ANKDD1B: variants seen among roughly 807,000 people sequenced by gnomAD.
The protein encoded by ANKDD1B is ankyrin repeat and death domain containing 1B.
A neutral mutation model predicts 59.7 loss-of-function variants in ANKDD1B; 57 were observed. That is an observed-to-expected ratio of 0.95 (90% confidence interval 0.77 to 1.19). The LOEUF (loss-of-function observed/expected upper bound fraction) is 1.19, where lower values mean the gene tolerates loss of function less well. Ranked by LOEUF, ANKDD1B falls within the 50% of genes most tolerant of loss-of-function variation. The probability of loss-of-function intolerance (pLI) is 0.00; values close to 1 mark genes in which losing one functional copy is unlikely to be tolerated. For missense variants in ANKDD1B, 602 were observed against 641.9 expected (o/e 0.94, Z 0.67); for synonymous variants, 216 against 239.5 (o/e 0.90, Z 0.91).
chr5:75,631,817 A>C (rs1365093600), intron 5 of ANKDD1B, among the ~76,000 whole-genome samples: 1 of 152,178 alleles, frequency 6.6e-6, no homozygotes, highest in Non-Finnish European at 1.5e-5. Flanking sequence ...TAAAAGACTC[A>C]CTGGTGGGCT....
intron 7 of ANKDD1B, among the ~76,000 whole-genome samples, chr5:75,642,303 G>T (rs1467939852): frequency 6.6e-6 from 1 of 152,054 alleles, no homozygotes; most frequent in African/African-American, 2.4e-5. Context: ...CGACGCAGAA[G>T]ACAGGTGATT....
chr5:75,620,069 G>A (rs1773805630), intron 2 of ANKDD1B, among the ~76,000 whole-genome samples: 1 of 152,142 alleles, frequency 6.6e-6, no homozygotes. Context: ...AATATAAGCT[G>A]AAACAAGAAT....
At chr5:75,635,071 G>A (rs1774263583) in intron 6 of ANKDD1B, 75 bp downstream of exon 6, 1 of 977,192 alleles carries the variant, frequency 1.0e-6, no homozygotes, top group Non-Finnish European at 1.5e-6. Context: ...GGTAACAATT[G>A]GCATGTAGAT....
At chr5:75,636,969 G>A (rs971974166) in intron 7 of ANKDD1B, among the ~76,000 whole-genome samples, 2 of 151,990 alleles carry the variant, frequency 1.3e-5, no homozygotes, top group African/African-American at 4.8e-5. Flanking sequence ...TTCTGGAGCC[G>A]GGTGCGCTGG....
chr5:75,629,578 A>T (rs1182158821), intron 5 of ANKDD1B, among the ~76,000 whole-genome samples: 1 of 152,056 alleles, frequency 6.6e-6, no homozygotes, highest in East Asian at 1.9e-4. Flanking sequence ...ATAATTTATA[A>T]TAAACAATCC....
At chr5:75,648,473 A>T (rs530175212) in intron 7 of ANKDD1B, among the ~76,000 whole-genome samples, 66 of 151,978 alleles carry the variant, frequency 4.3e-4, no homozygotes, top group African/African-American at 1.6e-3. Flanking sequence ...CCTTGTCCTT[A>T]ATTATTTTGC....
At position 75,635,092 on chromosome 5, in the gene ANKDD1B, C is replaced by T. The variant is rs1029371958; in HGVS notation, c.699+96C>T. 61 of 777,822 alleles carry T rather than the reference C, an allele frequency of 7.8e-5. 1 individual carries two copies. Among genetic ancestry groups the T allele is most frequent in the South Asian group, 6.9e-4 (41 of 59,726 alleles). The allele number at this position is 777,822 out of a possible 1,614,324, so 48.2% of individuals were successfully genotyped here. Reference sequence around the variant, plus strand: ...AATTGGCATGTAGATTTGGTGAGGGCGTTTTAGTCAGCAGGAGAGTTAAAT... The same window carrying T: ...AATTGGCATGTAGATTTGGTGAGGGTGTTTTAGTCAGCAGGAGAGTTAAAT... On this transcript the variant is annotated intron_variant, in intron 6 of 13. Transcript: ENST00000601380.
At chr5:75,643,457 C>T (rs200532668) in intron 7 of ANKDD1B, among the ~76,000 whole-genome samples, 3,321 of 25,044 alleles carry the variant, frequency 0.13, 109 homozygotes, top group African/African-American at 0.15. Flanking sequence ...AATGCAGAAG[C>T]CTCAGGAGCT....
rs1043142918 is a variant in ANKDD1B, at chr5:75,625,657, C to T, written c.407C>T (p.Thr136Ile). 2.6e-6 allele frequency: 4 copies of T among 1,536,116 alleles called. No individual in the cohort carries two copies. The African/African-American group carries it at 5.5e-5, about 21-fold the overall frequency. ...GTCTTCTTGGGGAAGCACGGCTTGACAGTAATTCACCTTGCAGCCTGGTCT... is the reference window on the plus strand; with the variant it reads ...GTCTTCTTGGGGAAGCACGGCTTGATAGTAATTCACCTTGCAGCCTGGTCT... ...RVDVADKHGL[T>I]VIHLAAWSGS... The change falls in exon 4 of 14, where the codon ACA (threonine) becomes ATA (isoleucine). Residue 136 changes from threonine to isoleucine, a missense_variant. Thr to Ile is a moderately conservative substitution (Grantham distance 89). Transcript: ENST00000601380.
chr5:75,669,154 C>G (rs1775398926), intron 12 of ANKDD1B, 98 bp from the exon 13 acceptor site: 1 of 1,162,176 alleles, frequency 8.6e-7, no homozygotes, highest in Admixed American at 4.2e-5. Flanking sequence ...AACAGGCAAG[C>G]AAACAGTCAT....
Position 75,663,394 on chromosome 5 carries a change from C to A in ANKDD1B, c.1096C>A (p.Gln366Lys), listed in dbSNP as rs1168414814. Reference protein sequence around the residue: ...AGCDLKAVDKQGKTALAVASR... With the variant: ...AGCDLKAVDKKGKTALAVASR... Reference sequence around the variant, plus strand: ...AATTTTTTTTCTTTTTTAATTTTAGCAAGGAAAGACTGCCCTGGCTGTGGC... The same window carrying A: ...AATTTTTTTTCTTTTTTAATTTTAGAAAGGAAAGACTGCCCTGGCTGTGGC... Residue 366 changes from glutamine (Q) to lysine (K), a missense_variant and splice_region_variant, in exon 11 of 14, where the codon CAA becomes AAA. This residue lies in a region of ANKDD1B where 280 missense variants were observed against 319.8 expected (regional missense o/e 0.88). Coordinates refer to ENST00000601380, the MANE Select transcript of ANKDD1B (RefSeq NM_001276713.2). The A allele has an allele frequency of 6.5e-7, 1 of 1,535,662 alleles. No homozygotes were observed. The highest frequency in any genetic ancestry group is 2.0e-5 in the Admixed American group (1 of 50,980).
chr5:75,616,223 A>G (rs1156960506), intron 1 of ANKDD1B, among the ~76,000 whole-genome samples: 2 of 152,232 alleles, frequency 1.3e-5, no homozygotes, highest in Non-Finnish European at 2.9e-5. Flanking sequence ...AAAGCCTACC[A>G]TATGAATGTG....
At chr5:75,618,835 T>C (rs1773777799) in intron 2 of ANKDD1B, among the ~76,000 whole-genome samples, 1 of 152,170 alleles carries the variant, frequency 6.6e-6, no homozygotes, top group African/African-American at 2.4e-5. Context: ...AACCTCCACC[T>C]CCTGGGTTCA....
intron 1 of ANKDD1B, among the ~76,000 whole-genome samples, chr5:75,615,431 G>A (rs914650567): frequency 2.6e-5 from 4 of 152,122 alleles, no homozygotes; most frequent in Admixed American, 6.5e-5. Context: ...GTAGGGGTAG[G>A]AACGAAGAGA....
chr5:75,638,218 A>T (rs1249362517), intron 7 of ANKDD1B, among the ~76,000 whole-genome samples: 2 of 152,198 alleles, frequency 1.3e-5, no homozygotes, highest in African/African-American at 2.4e-5. Flanking sequence ...ATGTGCATGC[A>T]TGTGGATTTC....
chr5:75,619,226 A>G (rs1773786974), intron 2 of ANKDD1B, among the ~76,000 whole-genome samples: 1 of 152,212 alleles, frequency 6.6e-6, no homozygotes, highest in African/African-American at 2.4e-5. Flanking sequence ...AGACTGCAAA[A>G]CCCACAACCT....
chr5:75,615,847 C>A (rs1218065118), intron 1 of ANKDD1B, among the ~76,000 whole-genome samples: 1 of 152,082 alleles, frequency 6.6e-6, no homozygotes, highest in Non-Finnish European at 1.5e-5. Context: ...AGGACTTCAA[C>A]ATAGGAATTT....
At chr5:75,618,156 G>A (rs1231937914) in intron 2 of ANKDD1B, among the ~76,000 whole-genome samples, 1 of 152,024 alleles carries the variant, frequency 6.6e-6, no homozygotes, top group Non-Finnish European at 1.5e-5. Context: ...GCAGAAAGGA[G>A]AAAGGATGGA....
At chr5:75,648,180 C>T (rs1292694412) in intron 7 of ANKDD1B, among the ~76,000 whole-genome samples, 1 of 108,814 alleles carries the variant, frequency 9.2e-6, no homozygotes, top group Non-Finnish European at 1.8e-5. Flanking sequence ...TGCGGCGCAC[C>T]AGCATGGCAC....
Sources: gnomAD v4.1 joint callset for allele counts (sites outside exome capture counted in the v4.1 genomes callset) on GRCh38, gnomAD v4.1.1 for gene constraint, gnomAD v4.1.1 regional missense constraint, MANE v1.5 for transcripts, NCBI Gene and HGNC (gene_info 2026-07-23, HGNC 2026-07-21) for gene names.